INO80: variants seen among roughly 807,000 people sequenced by gnomAD.
The protein encoded by INO80 is chromatin-remodeling ATPase INO80.
In INO80, 20 loss-of-function variants were observed where a neutral mutation model predicts 203.4. The observed-to-expected ratio is 0.10, with a 90% CI of 0.07 to 0.14. INO80 has a LOEUF of 0.14. Ranked by LOEUF, INO80 falls within the 10% of genes least tolerant of loss-of-function variation. The pLI is 1.00. For missense variants in INO80, 1,419 were observed against 1,914.4 expected (o/e 0.74, Z 4.83); for synonymous variants, 726 against 685.2 (o/e 1.06, Z -0.93).
chr15:41,018,417 A>C (rs2044241988), intron 26 of INO80: 1 of 152,242 alleles, frequency 6.6e-6, no homozygotes, highest in Admixed American at 6.5e-5. Context: ...AGATGTGCAT[A>C]TACTTATAAA....
chr15:40,996,015 G>A (rs2140425378), intron 29 of INO80, among the ~76,000 whole-genome samples: 1 of 152,198 alleles, frequency 6.6e-6, no homozygotes, highest in Non-Finnish European at 1.5e-5. Flanking sequence ...TGCTATTACA[G>A]AATGTGTAGT....
At chr15:41,110,520 C>A (rs954525381) in intron 1 of INO80, among the ~76,000 whole-genome samples, 2 of 152,114 alleles carry the variant, frequency 1.3e-5, no homozygotes, top group Admixed American at 6.6e-5. Flanking sequence ...CGCACTATAG[C>A]CTTGACCTGC....
intron 2 of INO80, 31 bp downstream of exon 2, chr15:41,096,137 T>C: frequency 6.4e-7 from 1 of 1,565,694 alleles, no homozygotes; most frequent in Non-Finnish European, 8.6e-7. Flanking sequence ...AGGAATTTGG[T>C]AAAACATATT....
intron 6 of INO80, among the ~76,000 whole-genome samples, chr15:41,086,872 T>C (rs752482731): frequency 2.6e-5 from 4 of 152,166 alleles, no homozygotes; most frequent in Non-Finnish European, 5.9e-5. Context: ...TGATAACTTA[T>C]TCCAAACACT....
chr15:41,051,210 A>G (rs79931900), intron 19 of INO80, among the ~76,000 whole-genome samples: 1,659 of 151,318 alleles, frequency 0.011, 17 homozygotes, highest in Non-Finnish European at 0.018. Flanking sequence ...CTCCTCACAT[A>G]CCACTTAGCC....
chr15:40,998,884 A>T (rs1445716593), intron 28 of INO80, among the ~76,000 whole-genome samples: 1 of 151,484 alleles, frequency 6.6e-6, no homozygotes, highest in Non-Finnish European at 1.5e-5. Flanking sequence ...CTGGTCTCCT[A>T]CCTCAGGTGA....
intron 24 of INO80, among the ~76,000 whole-genome samples, chr15:41,031,197 G>A (rs1280222358): frequency 1.3e-5 from 2 of 151,770 alleles, no homozygotes; most frequent in East Asian, 1.9e-4. Flanking sequence ...ATCAAATCTG[G>A]TTTAGTATAT....
intron 1 of INO80, among the ~76,000 whole-genome samples, chr15:41,115,290 G>A (rs1016591829): frequency 6.6e-6 from 1 of 152,144 alleles, no homozygotes; most frequent in Admixed American, 6.6e-5. Flanking sequence ...AAACTGTAGG[G>A]GGCTTCTAGC....
chr15:41,040,988 T>C (rs990852871), intron 24 of INO80, among the ~76,000 whole-genome samples: 4 of 152,186 alleles, frequency 2.6e-5, no homozygotes, highest in African/African-American at 9.6e-5. Flanking sequence ...AATATCATTT[T>C]CACAGGAGAA....
intron 24 of INO80, among the ~76,000 whole-genome samples, chr15:41,035,193 G>C (rs1027955178): frequency 1.3e-5 from 2 of 152,162 alleles, no homozygotes; most frequent in Non-Finnish European, 2.9e-5. Context: ...CAGAATCTCA[G>C]AACAGGAAAT....
At chr15:40,997,805 T>C (rs771112940) in intron 28 of INO80, 23 of 444,618 alleles carry the variant, frequency 5.2e-5, no homozygotes, top group African/African-American at 1.6e-4. Context: ...ATCTTCCAAT[T>C]TGCAGATAAA....
intron 24 of INO80, among the ~76,000 whole-genome samples, chr15:41,033,829 A>G (rs1381757162): frequency 6.6e-6 from 1 of 152,138 alleles, no homozygotes; most frequent in African/African-American, 2.4e-5. Flanking sequence ...AGGCGGGAGG[A>G]TCACGAGGTC....
intron 1 of INO80, among the ~76,000 whole-genome samples, chr15:41,099,666 C>G (rs1241881799): frequency 6.6e-6 from 1 of 151,582 alleles, no homozygotes; most frequent in African/African-American, 2.4e-5. Context: ...CCTGTAAACC[C>G]AGCCACTTGG....
intron 27 of INO80, among the ~76,000 whole-genome samples, chr15:41,008,093 G>A (rs2044077012): frequency 6.6e-6 from 1 of 152,178 alleles, no homozygotes; most frequent in African/African-American, 2.4e-5. Flanking sequence ...AAGATCATCT[G>A]AGCCCAGGGA....
intron 1 of INO80, among the ~76,000 whole-genome samples, chr15:41,111,775 C>T (rs906252982): frequency 6.6e-5 from 10 of 151,776 alleles, no homozygotes; most frequent in Non-Finnish European, 1.3e-4. Flanking sequence ...TGTACTCCAG[C>T]CTGGGCTACA....
At chr15:41,079,061 T>G (rs1021865850) in intron 9 of INO80, among the ~76,000 whole-genome samples, 2 of 152,040 alleles carry the variant, frequency 1.3e-5, no homozygotes, top group Admixed American at 1.3e-4. Context: ...ATTGCTTGAA[T>G]GTGGGAGGCA....
intron 29 of INO80, among the ~76,000 whole-genome samples, chr15:40,993,208 T>C (rs1276944598): frequency 1.3e-5 from 2 of 152,182 alleles, no homozygotes; most frequent in African/African-American, 4.8e-5. Flanking sequence ...GGACGCTCTT[T>C]ACTCCTACAG....
In INO80 at chr15:41,085,496, T is replaced by G. The variant is rs565148858; in HGVS notation, c.746A>C (p.Lys249Thr). Residue 249 changes from lysine (K) to threonine (T), a missense_variant, in exon 7 of 36, where the codon AAA becomes ACA. By Grantham distance (78) the Lys-to-Thr change is moderately conservative. This residue lies in a region of INO80 where 323 missense variants were observed against 325.4 expected (regional missense o/e 0.99). Transcript: ENST00000648947. ...ESPRRHHHQT[K>T]VFAKFSHDAP... ...ATCGTGAGAAAACTTGGCAAAGACT[T>G]TGGTCTGGTGGTGATGGCGACGAGG... 1.2e-6 allele frequency: 2 copies of G among 1,614,150 alleles called. No individual in the cohort carries two copies.
At chr15:41,013,771 T>C (rs563122022) in intron 27 of INO80, among the ~76,000 whole-genome samples, 6 of 152,232 alleles carry the variant, frequency 3.9e-5, no homozygotes, top group Admixed American at 2.0e-4. Flanking sequence ...AACATACAAA[T>C]AGTTGCAACA....
Sources: allele counts gnomAD v4.1 joint callset (sites outside exome capture counted in the v4.1 genomes callset), GRCh38; gene constraint gnomAD v4.1.1; regional missense constraint gnomAD v4.1.1; transcripts MANE v1.5; gene names NCBI Gene and HGNC (gene_info 2026-07-23, HGNC 2026-07-21).